Variants in SPATA1 observed in about 807,000 individuals in gnomAD.
SPATA1 encodes the protein spermatogenesis-associated protein 1.
SPATA1 carries 57 observed loss-of-function variants against 59.6 expected under a neutral mutation model. That is an observed-to-expected ratio of 0.96 (90% CI 0.77 to 1.19). The LOEUF is 1.19. Ranked by LOEUF, SPATA1 falls within the 50% of genes most tolerant of loss-of-function variation. The pLI, the probability that SPATA1 is intolerant of heterozygous loss-of-function variation, is 0.00. For missense variants in SPATA1, 448 were observed against 480.7 expected, an observed-to-expected ratio of 0.93 and a Z score of 0.64; for synonymous variants, 147 against 163.9, an observed-to-expected ratio of 0.90 and a Z score of 0.79.
intron 1 of SPATA1, among the ~76,000 whole-genome samples, chr1:84,515,474 T>C (rs936159148): frequency 5.9e-5 from 9 of 152,146 alleles, no homozygotes; most frequent in African/African-American, 1.9e-4. Flanking sequence ...TAAATCCTTA[T>C]TTTAACATAA....
chr1:84,521,323 T>G (rs1003303979), intron 3 of SPATA1, among the ~76,000 whole-genome samples: 1 of 152,198 alleles, frequency 6.6e-6, no homozygotes, highest in African/African-American at 2.4e-5. Context: ...TAGATGTGTA[T>G]TTTCAAATTC....
intron 8 of SPATA1, among the ~76,000 whole-genome samples, chr1:84,534,652 T>G (rs1683600854): frequency 6.6e-6 from 1 of 152,112 alleles, no homozygotes; most frequent in South Asian, 2.1e-4. Context: ...AAAAACCAGT[T>G]AGATAGCATT....
At chr1:84,506,852 A>C (rs1360621865) in intron 1 of SPATA1, 3 of 152,258 alleles carry the variant, frequency 2.0e-5, no homozygotes, top group Non-Finnish European at 4.4e-5. Flanking sequence ...CTGGCTTCTT[A>C]GCTCTTGAAT....
chr1:84,564,546 T>C (rs1187196219), intron 4 of SPATA1, among the ~76,000 whole-genome samples: 3 of 152,184 alleles, frequency 2.0e-5, no homozygotes, highest in African/African-American at 7.2e-5. Flanking sequence ...AGTTTGGTTG[T>C]TGATTTATTT....
intron 4 of SPATA1, chr1:84,563,315 C>T (rs376746415): frequency 8.1e-6 from 13 of 1,596,500 alleles, no homozygotes; most frequent in Non-Finnish European, 1.1e-5. Context: ...AGAAATAGAA[C>T]TATTTATTTG....
intron 2 of SPATA1, 22 bp downstream of exon 2, chr1:84,516,417 A>G (rs1682795753): frequency 7.4e-7 from 1 of 1,350,474 alleles, no homozygotes; most frequent in East Asian, 2.7e-5. Flanking sequence ...TTTTTATACT[A>G]AAATATAAGA....
chr1:84,525,559 T>C lies in SPATA1; in HGVS notation c.262-137T>C, dbSNP rs533839898. ...AAAGTAACATTATATTCTACATTTC[T>C]AGAATCTAGCCATAGCTTTTAAATT... On this transcript the variant is annotated intron_variant, in intron 4 of 12. Transcript: ENST00000490879. 6.2e-5 allele frequency: 40 copies of C among 647,358 alleles called. No homozygotes were observed. In the South Asian group the frequency reaches 8.7e-4, roughly 14 times the overall value. The allele number at this position is 647,358 out of a possible 1,614,324, so 40.1% of individuals were successfully genotyped here. A position where few individuals can be genotyped will look rare whatever the true frequency, so the allele number is the denominator to read the frequency against.
At chr1:84,549,101 CT>C in intron 11 of SPATA1, 137 bp downstream of exon 11, 1 of 827,024 alleles carries the variant, frequency 1.2e-6, no homozygotes, top group Non-Finnish European at 1.7e-6. Context: ...AACTCATGAC[CT>C]TATGTAATAG....
chr1:84,535,737 G>A (rs1451908368), intron 8 of SPATA1, among the ~76,000 whole-genome samples: 1 of 151,518 alleles, frequency 6.6e-6, no homozygotes, highest in Non-Finnish European at 1.5e-5. Context: ...GATTCTTTAG[G>A]ACTTTCTACG....
chr1:84,558,409 C>T (rs1191798557), downstream of SPATA1, among the ~76,000 whole-genome samples: 7 of 150,632 alleles, frequency 4.6e-5, no homozygotes, highest in Admixed American at 2.6e-4. Flanking sequence ...CCTGCCTCAG[C>T]CTCCCAAGTA....
intron 1 of SPATA1, among the ~76,000 whole-genome samples, chr1:84,507,855 G>GAAA (rs34765124): frequency 3.4e-4 from 51 of 149,832 alleles, no homozygotes; most frequent in Non-Finnish European, 4.9e-4. Context: ...AACAGTTTCA[G>GAAA]AAAAAAAAAA....
exon 13 of SPATA1, chr1:84,553,698 G>C (rs1448254413): frequency 6.6e-6 from 1 of 152,082 alleles, no homozygotes; most frequent in Non-Finnish European, 1.5e-5. Flanking sequence ...TTTTTACTCT[G>C]TCACAAACAA....
At chr1:84,533,940 G>A (rs922852194) in intron 8 of SPATA1, among the ~76,000 whole-genome samples, 174 bp downstream of exon 8, 10 of 151,912 alleles carry the variant, frequency 6.6e-5, no homozygotes, top group African/African-American at 2.4e-4. Flanking sequence ...GTAACAATAT[G>A]CCCAAATGAG....
At chr1:84,545,006 C>T (rs1367072630) in intron 9 of SPATA1, among the ~76,000 whole-genome samples, 1 of 150,600 alleles carries the variant, frequency 6.6e-6, no homozygotes, top group South Asian at 2.1e-4. Context: ...GTCAGGAGTT[C>T]GAGACCAGCC....
chr1:84,508,077 C>A (rs537525409), intron 1 of SPATA1, among the ~76,000 whole-genome samples: 1 of 152,010 alleles, frequency 6.6e-6, no homozygotes, highest in Non-Finnish European at 1.5e-5. Context: ...GTCAAGAGAT[C>A]GAGACCATCC....
downstream of SPATA1, among the ~76,000 whole-genome samples, chr1:84,557,533 C>CAAAAAAAAAAAAAAAAAAA (rs56101174): frequency 5.4e-5 from 3 of 55,440 alleles, no homozygotes; most frequent in Non-Finnish European, 1.1e-4. Context: ...AACTCCATCT[C>CAAAAAAAAAAAAAAAAAAA]AAAAAAAAAA....
intron 4 of SPATA1, chr1:84,563,480 C>A: frequency 8.7e-7 from 1 of 1,144,802 alleles, no homozygotes; most frequent in Non-Finnish European, 1.2e-6. Context: ...AAAGCCAAAC[C>A]AAAAATATAT....
intron 2 of SPATA1, among the ~76,000 whole-genome samples, chr1:84,516,998 T>C (rs971737033): frequency 2.0e-5 from 3 of 152,032 alleles, no homozygotes; most frequent in Non-Finnish European, 2.9e-5. Context: ...CAATACCTTC[T>C]CTCTATTTTC....
chr1:84,521,563 T>A (rs995735416), intron 3 of SPATA1, among the ~76,000 whole-genome samples: 1 of 152,186 alleles, frequency 6.6e-6, no homozygotes, highest in Admixed American at 6.5e-5. Flanking sequence ...ACTCACATAT[T>A]ACCTTTTTCT....
Sources: gnomAD v4.1 joint callset for allele counts (sites outside exome capture counted in the v4.1 genomes callset) on GRCh38, gnomAD v4.1.1 for gene constraint, MANE v1.5 for transcripts, NCBI Gene and HGNC (gene_info 2026-07-23, HGNC 2026-07-21) for gene names.